NCALD: variants seen among roughly 807,000 people sequenced by gnomAD.
NCALD encodes neurocalcin-delta.
In NCALD, 10 loss-of-function variants were observed where a neutral mutation model predicts 18.6. The observed-to-expected ratio is 0.54, with a 90% CI of 0.33 to 0.91. NCALD has a LOEUF of 0.91. Among genes scored for constraint, NCALD ranks in the 40% least tolerant of loss-of-function variants. NCALD has a pLI of 0.03. For synonymous variants in NCALD, 88 were observed against 87.4 expected, an observed-to-expected ratio of 1.01 and a Z score of -0.04; for missense variants, 184 against 247.6, an observed-to-expected ratio of 0.74 and a Z score of 1.72.
At chr8:102,001,046 G>T (rs1042023354) in intron 2 of NCALD, among the ~76,000 whole-genome samples, 2 of 152,238 alleles carry the variant, frequency 1.3e-5, no homozygotes, top group Admixed American at 6.5e-5. Context: ...GATGAGTAGA[G>T]AGAAGAAGGC....
At chr8:101,799,670 CA>C (rs1789309596) in intron 4 of NCALD, among the ~76,000 whole-genome samples, 1 of 152,118 alleles carries the variant, frequency 6.6e-6, no homozygotes, top group African/African-American at 2.4e-5. Context: ...AAACAAGTCT[CA>C]AAAGTTCACA....
At chr8:101,793,467 GCCTA>G (rs1486295139), upstream of NCALD, among the ~76,000 whole-genome samples, 1 of 151,812 alleles carries the variant, frequency 6.6e-6, no homozygotes, top group African/African-American at 2.4e-5. Flanking sequence ...TAAGTAATTT[GCCTA>G]CCTACTCATT....
At chr8:101,976,978 CT>C (rs34472036) in intron 2 of NCALD, among the ~76,000 whole-genome samples, 23,573 of 152,002 alleles carry the variant, frequency 0.16, 2,607 homozygotes, top group African/African-American at 0.31. Flanking sequence ...GGGAGGGCCC[CT>C]GACCATGCCT....
rs1812695443 is a variant in NCALD at position 101,797,812 on chromosome 8, C to A, written c.-19-78164G>T. Among the ~76,000 whole-genome samples the A allele has an allele frequency of 8.8e-5, 13 of 148,416 alleles. No homozygotes were observed. In the South Asian group the frequency reaches 2.5e-3, roughly 29 times the overall value. ...GCCTGGTGATACAGTGAGACTCCATCTCAAAAAAAAAAAAGAGGAGTGTCT... is the reference window on the plus strand; with the variant it reads ...GCCTGGTGATACAGTGAGACTCCATATCAAAAAAAAAAAAGAGGAGTGTCT... On this transcript the variant is annotated intron_variant, in intron 4 of 6. Transcript: ENST00000311028.
intron 1 of NCALD, among the ~76,000 whole-genome samples, chr8:101,727,377 T>C (rs1194208518): frequency 6.6e-6 from 1 of 152,348 alleles, no homozygotes; most frequent in Non-Finnish European, 1.5e-5. Context: ...CACTGAAATC[T>C]TACTTTTCAC....
At chr8:102,041,272 A>G (rs1823041305) in intron 1 of NCALD, among the ~76,000 whole-genome samples, 1 of 152,200 alleles carries the variant, frequency 6.6e-6, no homozygotes, top group South Asian at 2.1e-4. Flanking sequence ...CTCCTCAACA[A>G]CAACAAATCA....
At chr8:101,797,470 C>T (rs1306660966) in intron 4 of NCALD, among the ~76,000 whole-genome samples, 2 of 151,932 alleles carry the variant, frequency 1.3e-5, no homozygotes, top group African/African-American at 2.4e-5. Flanking sequence ...TTTGAAATGA[C>T]AAAAGGAAAA....
intron 4 of NCALD, among the ~76,000 whole-genome samples, chr8:101,864,017 C>A (rs975749984): frequency 2.6e-5 from 4 of 152,146 alleles, no homozygotes; most frequent in Admixed American, 2.6e-4. Flanking sequence ...TTCTAACATG[C>A]AACAGAACAG....
intron 3 of NCALD, among the ~76,000 whole-genome samples, chr8:101,893,358 A>G (rs1816996281): frequency 6.6e-6 from 1 of 151,328 alleles, no homozygotes; most frequent in Non-Finnish European, 1.5e-5. Flanking sequence ...GAGCTCCTGA[A>G]GGAAGCGCTA....
At chr8:101,695,961 TG>T (rs1814969657) in intron 2 of NCALD, among the ~76,000 whole-genome samples, 2 of 152,292 alleles carry the variant, frequency 1.3e-5, no homozygotes, top group South Asian at 4.1e-4. Flanking sequence ...TCCTTTTATA[TG>T]TTTTTTTTAG....
intron 2 of NCALD, among the ~76,000 whole-genome samples, chr8:101,977,030 T>C (rs1395175117): frequency 6.6e-6 from 1 of 152,162 alleles, no homozygotes; most frequent in East Asian, 1.9e-4. Flanking sequence ...CATCTCACCA[T>C]GATCTTTTCT....
At chr8:102,048,208 G>C (rs7002154) in intron 1 of NCALD, among the ~76,000 whole-genome samples, 58,464 of 151,722 alleles carry the variant, frequency 0.39, 11,562 homozygotes, top group African/African-American at 0.44. Flanking sequence ...AACTGGTGTG[G>C]AGGCTTCACC....
chr8:101,816,707 C>A (rs1193306723), intron 4 of NCALD, among the ~76,000 whole-genome samples: 1 of 152,160 alleles, frequency 6.6e-6, no homozygotes, highest in Non-Finnish European at 1.5e-5. Context: ...GTCCCCGCTA[C>A]AATACTATGA....
intron 2 of NCALD, among the ~76,000 whole-genome samples, chr8:102,017,630 G>A (rs1470597146): frequency 2.0e-5 from 3 of 152,174 alleles, no homozygotes; most frequent in African/African-American, 7.2e-5. Context: ...GGGAGGCGGA[G>A]GTTGCAGTGA....
chr8:101,886,681 A>G (rs1310745281), intron 4 of NCALD, among the ~76,000 whole-genome samples: 2 of 152,198 alleles, frequency 1.3e-5, no homozygotes, highest in African/African-American at 2.4e-5. Context: ...CTATAATAGA[A>G]TTTCAAAAGA....
chr8:102,088,931 T>C (rs1380800981), intron 1 of NCALD, among the ~76,000 whole-genome samples: 2 of 152,224 alleles, frequency 1.3e-5, no homozygotes, highest in Admixed American at 1.3e-4. Context: ...AATGTCCTTT[T>C]GGGGATGGGC....
chr8:102,001,867 C>T (rs956654147), intron 2 of NCALD, among the ~76,000 whole-genome samples: 1 of 152,186 alleles, frequency 6.6e-6, no homozygotes, highest in East Asian at 1.9e-4. Flanking sequence ...AAAAGAGCTC[C>T]TGAGGGAAGC....
At chr8:101,981,275 A>T (rs1216106928) in intron 2 of NCALD, among the ~76,000 whole-genome samples, 1 of 152,194 alleles carries the variant, frequency 6.6e-6, no homozygotes, top group African/African-American at 2.4e-5. Context: ...ACCTACAAGA[A>T]ACCTTGTGGG....
chr8:101,756,966 G>A (rs965494105), intron 1 of NCALD, among the ~76,000 whole-genome samples: 1 of 152,200 alleles, frequency 6.6e-6, no homozygotes, highest in African/African-American at 2.4e-5. Context: ...CACAATCAAA[G>A]ACAATACTGG....
Sources: gnomAD v4.1 joint callset for allele counts (sites outside exome capture counted in the v4.1 genomes callset) on GRCh38, gnomAD v4.1.1 for gene constraint, MANE v1.5 for transcripts, NCBI Gene and HGNC (gene_info 2026-07-23, HGNC 2026-07-21) for gene names.